Variants in SLC2A2 observed in about 807,000 individuals in gnomAD.
SLC2A2 encodes solute carrier family 2, facilitated glucose transporter member 2.
Under a neutral mutation model 54.5 loss-of-function variants are expected in SLC2A2, and 36 were observed. That is an observed-to-expected ratio of 0.66 (90% CI 0.51 to 0.87). The LOEUF is 0.87. SLC2A2 is among the 40% of genes least tolerant of loss of function. The pLI is 0.00. For synonymous variants in SLC2A2, 223 were observed against 219.1 expected (o/e 1.02, Z -0.16); for missense variants, 543 against 624.3 (o/e 0.87, Z 1.39).
At chr3:170,999,207 A>G (rs1176047064) in intron 8 of SLC2A2, 41 bp from the exon 9 acceptor site, 1 of 1,297,328 alleles carries the variant, frequency 7.7e-7, no homozygotes. Flanking sequence ...TTTGTGAGTC[A>G]CAAAATATTG....
chr3:171,011,678 A>G (rs1258550089), intron 3 of SLC2A2, among the ~76,000 whole-genome samples: 1 of 152,208 alleles, frequency 6.6e-6, no homozygotes, highest in East Asian at 1.9e-4. Context: ...CCCCAGAGCT[A>G]CAGAGTAGAA....
At chr3:171,002,307 T>C (rs975805072) in intron 8 of SLC2A2, among the ~76,000 whole-genome samples, 8 of 152,008 alleles carry the variant, frequency 5.3e-5, no homozygotes, top group Non-Finnish European at 1.0e-4. Context: ...AAGTTCTCTG[T>C]GTCCCCAAGT....
intron 3 of SLC2A2, among the ~76,000 whole-genome samples, chr3:171,011,645 CAG>C (rs1265044909): frequency 4.6e-5 from 7 of 152,094 alleles, no homozygotes; most frequent in Admixed American, 2.0e-4. Flanking sequence ...TATAGGGAAA[CAG>C]AGTGATTTAG....
chr3:171,001,308 A>G (rs1389883196), intron 8 of SLC2A2, among the ~76,000 whole-genome samples: 2 of 152,102 alleles, frequency 1.3e-5, no homozygotes, highest in Non-Finnish European at 2.9e-5. Context: ...TCCAGGAGAC[A>G]AAAGGGTGAA....
At chr3:171,002,510 C>G (rs879024579) in intron 8 of SLC2A2, 66 bp downstream of exon 8, 7 of 997,452 alleles carry the variant, frequency 7.0e-6, no homozygotes, top group Non-Finnish European at 9.5e-6. Flanking sequence ...AGCCGAAGTT[C>G]CCCACCCCTC....
intron 7 of SLC2A2, among the ~76,000 whole-genome samples, chr3:171,004,318 T>C (rs1320276427): frequency 6.6e-6 from 1 of 152,026 alleles, no homozygotes; most frequent in African/African-American, 2.4e-5. Context: ...ATGGGAGATA[T>C]GAGTTTGGTC....
chr3:171,004,003 A>G (rs1055467378), intron 7 of SLC2A2, among the ~76,000 whole-genome samples: 2 of 151,976 alleles, frequency 1.3e-5, no homozygotes, highest in African/African-American at 2.4e-5. Flanking sequence ...TTATGTTTAT[A>G]TATTTATGTC....
chr3:171,002,518 C>T, intron 8 of SLC2A2, 58 bp downstream of exon 8: 1 of 1,128,512 alleles, frequency 8.9e-7, no homozygotes, highest in Non-Finnish European at 1.3e-6. Context: ...TTCCCCACCC[C>T]TCCTGCAATT....
intron 2 of SLC2A2, among the ~76,000 whole-genome samples, chr3:171,018,159 T>C (rs1352654592): frequency 6.6e-6 from 1 of 152,132 alleles, no homozygotes; most frequent in African/African-American, 2.4e-5. Flanking sequence ...AACATATCCT[T>C]ATTCCCTGGC....
rs572131756 is a variant in SLC2A2 at position 171,024,599 on chromosome 3, C to G, written c.15+2057G>C. 3.3e-5 allele frequency among the ~76,000 whole-genome samples: 5 copies of G among 152,286 alleles called. No individual in the cohort carries two copies. In the South Asian group the frequency reaches 1.0e-3, roughly 32 times the overall value. On this transcript the variant is annotated intron_variant, in intron 1 of 10. Transcript: ENST00000314251. ...ATCTTGCATGCAACTTTGGAAAAAG[C>G]CAGGGGCTTATCAAGTCACAGAATT...
chr3:171,005,524 A>G, intron 6 of SLC2A2, 52 bp from the exon 7 acceptor site: 2 of 1,426,514 alleles, frequency 1.4e-6, no homozygotes, highest in Non-Finnish European at 2.0e-6. Flanking sequence ...ACAAAAAGAA[A>G]TTTATTTTTA....
intron 1 of SLC2A2, among the ~76,000 whole-genome samples, chr3:171,019,105 A>ATGTGTG (rs1346634510): frequency 6.2e-4 from 8 of 12,998 alleles, no homozygotes; most frequent in African/African-American, 2.2e-3. Context: ...GTGTATATAT[A>ATGTGTG]TATATATATA....
At chr3:171,023,242 G>A (rs1204232742) in intron 1 of SLC2A2, among the ~76,000 whole-genome samples, 2 of 152,148 alleles carry the variant, frequency 1.3e-5, no homozygotes, top group Non-Finnish European at 2.9e-5. Context: ...TCCATTTTAA[G>A]CAGGTCATTT....
intron 1 of SLC2A2, among the ~76,000 whole-genome samples, chr3:171,025,859 A>T (rs1352207624): frequency 6.6e-6 from 1 of 152,066 alleles, no homozygotes; most frequent in African/African-American, 2.4e-5. Flanking sequence ...GTTTTTTTTT[A>T]AAGTATCATA....
Position 170,997,620 on chromosome 3 carries a change from T to C in SLC2A2, c.*283A>G, listed in dbSNP as rs1290121009. 1 of 350,300 alleles carries C rather than the reference T, an allele frequency of 2.9e-6. No individual in the cohort carries two copies. Among genetic ancestry groups the C allele is most frequent in the East Asian group, 6.1e-5 (1 of 16,450 alleles). 21.7% of individuals were successfully genotyped at this position (350,300 alleles called of 1,614,324 possible). A position where few individuals can be genotyped will look rare whatever the true frequency, so the allele number is the denominator to read the frequency against. ...AAATCTCTTCAATTTTAGAAGAACC[T>C]TGTTATAAAGAACAGAGCTAAAAAT... On this transcript the variant is annotated 3_prime_UTR_variant, in exon 11 of 11. Coordinates refer to ENST00000314251, the MANE Select transcript of SLC2A2 (RefSeq NM_000340.2).
chr3:171,021,728 T>G (rs1437242161), intron 1 of SLC2A2, among the ~76,000 whole-genome samples: 1 of 152,210 alleles, frequency 6.6e-6, no homozygotes, highest in Non-Finnish European at 1.5e-5. Flanking sequence ...AAATTTGGGT[T>G]GATGATGGAA....
rs2292622 is a variant in SLC2A2 at position 171,005,875 on chromosome 3, A to G, written c.775+68T>C. 199,616 of 1,434,992 alleles carry G rather than the reference A, an allele frequency of 0.14. 17,382 individuals are homozygous for G. The highest frequency in any genetic ancestry group is 0.41 in the African/African-American group (28,823 of 70,738). 88.9% of individuals were successfully genotyped at this position (1,434,992 alleles called of 1,614,324 possible). A position where few individuals can be genotyped will look rare whatever the true frequency, so the allele number is the denominator to read the frequency against. ...ATTTAATCACCAACTTCATGTGGAAAGCACTGTTTTACATTAGCTGATAAT... is the reference window on the plus strand; with the variant it reads ...ATTTAATCACCAACTTCATGTGGAAGGCACTGTTTTACATTAGCTGATAAT... On this transcript the variant is annotated intron_variant, in intron 6 of 10. Coordinates refer to ENST00000314251, the MANE Select transcript of SLC2A2 (RefSeq NM_000340.2).
intron 5 of SLC2A2, 25 bp downstream of exon 5, chr3:171,007,123 G>C: frequency 7.7e-7 from 1 of 1,297,694 alleles, no homozygotes; most frequent in Non-Finnish European, 1.1e-6. Flanking sequence ...GGGTGCAGTA[G>C]GGGATAAGGA....
At chr3:171,004,308 A>G (rs958356621) in intron 7 of SLC2A2, among the ~76,000 whole-genome samples, 11 of 152,042 alleles carry the variant, frequency 7.2e-5, no homozygotes, top group Admixed American at 5.2e-4. Flanking sequence ...CAGAGCTGAG[A>G]TGGGAGATAT....
Sources: allele counts gnomAD v4.1 joint callset (sites outside exome capture counted in the v4.1 genomes callset), GRCh38; gene constraint gnomAD v4.1.1; transcripts MANE v1.5; gene names NCBI Gene and HGNC (gene_info 2026-07-23, HGNC 2026-07-21).